ADAMTS2: variants seen among roughly 807,000 people sequenced by gnomAD.
ADAMTS2 encodes the protein ADAM metallopeptidase with thrombospondin type 1 motif 2.
ADAMTS2 carries 50 observed loss-of-function variants against 123.0 expected under a neutral mutation model. The ratio of observed to expected loss-of-function variants is 0.41; its 90% CI spans 0.32 to 0.51. The LOEUF (loss-of-function observed/expected upper bound fraction) is 0.51, where lower values mean the gene tolerates loss of function less well. Among genes scored for constraint, ADAMTS2 ranks in the 20% least tolerant of loss-of-function variants. The pLI, the probability that ADAMTS2 is intolerant of heterozygous loss-of-function variation, is 0.35. For missense variants in ADAMTS2, 1,494 were observed against 1,705.2 expected (o/e 0.88, Z 2.18); for synonymous variants, 678 against 695.4 (o/e 0.98, Z 0.39).
At chr5:179,131,845 G>C (rs888921572) in intron 15 of ADAMTS2, among the ~76,000 whole-genome samples, 1 of 152,258 alleles carries the variant, frequency 6.6e-6, no homozygotes, top group South Asian at 2.1e-4. Flanking sequence ...GCCTTGCTGA[G>C]GGGATGGGAG....
chr5:179,266,362 A>G (rs747154293), intron 3 of ADAMTS2, among the ~76,000 whole-genome samples: 2 of 152,214 alleles, frequency 1.3e-5, no homozygotes, highest in Non-Finnish European at 2.9e-5. Flanking sequence ...CCTAAATGTT[A>G]TCACAAGTGT....
intron 2 of ADAMTS2, among the ~76,000 whole-genome samples, chr5:179,292,850 AC>A (rs1756226925): frequency 1.3e-5 from 2 of 152,074 alleles, no homozygotes; most frequent in Non-Finnish European, 2.9e-5. Flanking sequence ...CCTCCAAGGT[AC>A]CCCATTTCCA....
intron 20 of ADAMTS2, among the ~76,000 whole-genome samples, chr5:179,122,028 C>A (rs902949413): frequency 6.6e-6 from 1 of 152,136 alleles, no homozygotes; most frequent in Non-Finnish European, 1.5e-5. Context: ...TCCTCTGCCC[C>A]TGCACCCTGC....
At position 179,126,056 on chromosome 5, in the gene ADAMTS2, G is replaced by C; in HGVS notation, c.2692C>G (p.Leu898Val). 4 of 1,613,426 alleles carry C rather than the reference G, an allele frequency of 2.5e-6. No homozygotes were observed. Among genetic ancestry groups the C allele is most frequent in the Non-Finnish European group, 3.4e-6 (4 of 1,180,040 alleles). ...CTGCGGATGGCTTTGGGCTTCGAGA[G>C]GGCGGCACAGAAGCCACGGTGTACC... ...KMVHRGFCAA[L>V]SKPKAIRRAC... Residue 898 changes from leucine to valine, a missense_variant, in exon 18 of 22, where the codon CTC becomes GTC. By Grantham distance (32) the Leu-to-Val change is conservative. Around this residue, in one of 6 missense-constraint regions of ADAMTS2, gnomAD observed 953 missense variants for 1,124.7 expected, o/e 0.85. Transcript: ENST00000251582.
chr5:179,286,147 G>A (rs1756012973), intron 2 of ADAMTS2, among the ~76,000 whole-genome samples: 1 of 151,412 alleles, frequency 6.6e-6, no homozygotes, highest in African/African-American at 2.4e-5. Flanking sequence ...CCAGAAGGCG[G>A]AGGTTGCAAT....
chr5:179,205,621 C>A lies in ADAMTS2; in HGVS notation c.891+1892G>T, dbSNP rs554754017. ...GGAAGAACTCATATTGTGAAGGCAGCCAAGATTTTATACCTGCCAGTCTCA... is the reference window on the plus strand; with the variant it reads ...GGAAGAACTCATATTGTGAAGGCAGACAAGATTTTATACCTGCCAGTCTCA... On this transcript the variant is annotated intron_variant, in intron 4 of 21. Coordinates refer to ENST00000251582, the MANE Select transcript of ADAMTS2 (RefSeq NM_014244.5). 1.1e-4 allele frequency among the ~76,000 whole-genome samples: 16 copies of A among 152,278 alleles called. No individual in the cohort carries two copies. In the South Asian group the frequency reaches 2.5e-3, roughly 24 times the overall value.
intron 9 of ADAMTS2, among the ~76,000 whole-genome samples, chr5:179,152,479 C>T (rs1763381312): frequency 6.6e-6 from 1 of 152,146 alleles, no homozygotes; most frequent in African/African-American, 2.4e-5. Context: ...TGCCTCCAGT[C>T]TTTGGAGGCT....
intron 3 of ADAMTS2, among the ~76,000 whole-genome samples, chr5:179,222,057 G>C (rs1765139509): frequency 6.6e-6 from 1 of 152,228 alleles, no homozygotes; most frequent in East Asian, 1.9e-4. Flanking sequence ...TGAGCCCAGA[G>C]GCCAGGCCAT....
Position 179,156,453 on chromosome 5 carries a change from G to T in ADAMTS2, c.1133-1534C>A, listed in dbSNP as rs1303409501. ...CGGCTCACTGCAACCTCCGCCTCCT[G>T]GGTTCAGTCCATTCTACTGCCTCAG... is the stretch of plus-strand genomic sequence containing the variant. On this transcript the variant is annotated intron_variant, in intron 6 of 21. Coordinates refer to ENST00000251582, the MANE Select transcript of ADAMTS2 (RefSeq NM_014244.5). Among the ~76,000 whole-genome samples the T allele has an allele frequency of 1.3e-5, 2 of 149,180 alleles. 1 individual carries two copies. The highest frequency in any genetic ancestry group is 4.3e-4 in the South Asian group (2 of 4,704).
intron 5 of ADAMTS2, among the ~76,000 whole-genome samples, chr5:179,167,926 G>A (rs1022831575): frequency 1.3e-5 from 2 of 152,172 alleles, no homozygotes; most frequent in Admixed American, 6.5e-5. Context: ...CCTGGGGACT[G>A]GCCTACCCGC....
intron 4 of ADAMTS2, among the ~76,000 whole-genome samples, chr5:179,199,991 A>T (rs1208183918): frequency 6.6e-6 from 1 of 152,186 alleles, no homozygotes; most frequent in Non-Finnish European, 1.5e-5. Context: ...GACAGAGACT[A>T]AGGAAGAAAG....
Position 179,312,705 on chromosome 5 carries a change from C to T in ADAMTS2, c.534+31062G>A, listed in dbSNP as rs767779700. Among the ~76,000 whole-genome samples the T allele has an allele frequency of 1.3e-5, 2 of 152,190 alleles. No individual in the cohort carries two copies. Among genetic ancestry groups the T allele is most frequent in the Non-Finnish European group, 2.9e-5 (2 of 68,038 alleles). The stretch of plus-strand genomic sequence containing the variant: ...GAGATGGAGGATGTCGGCCCTGAAG[C>T]CCAGAGCGAAGAGGCCACAAGCCAA... On this transcript the variant is annotated intron_variant, in intron 2 of 21. Coordinates refer to ENST00000251582, the MANE Select transcript of ADAMTS2 (RefSeq NM_014244.5). The surrounding 1 kb of genome is among the most constrained non-coding windows in gnomAD (Gnocchi z 4.2).
intron 2 of ADAMTS2, among the ~76,000 whole-genome samples, chr5:179,341,714 CA>C (rs36096225): frequency 0.022 from 1,430 of 65,090 alleles, 15 homozygotes; most frequent in African/African-American, 0.082. Context: ...GACTCCGTCT[CA>C]AAAAAAAAAA....
intron 10 of ADAMTS2, among the ~76,000 whole-genome samples, chr5:179,141,946 G>A (rs1312487532): frequency 6.6e-6 from 1 of 152,030 alleles, no homozygotes; most frequent in Non-Finnish European, 1.5e-5. Flanking sequence ...ATGTTGAAAG[G>A]GGCAAGCCCA....
chr5:179,240,311 T>C (rs76938043), intron 3 of ADAMTS2, among the ~76,000 whole-genome samples: 5,676 of 152,142 alleles, frequency 0.037, 353 homozygotes, highest in African/African-American at 0.13. Context: ...AGGTAGAAAG[T>C]TTCATTTTAC....
At chr5:179,300,385 T>C (rs752103139) in intron 2 of ADAMTS2, among the ~76,000 whole-genome samples, 2 of 152,270 alleles carry the variant, frequency 1.3e-5, no homozygotes, top group Non-Finnish European at 2.9e-5. Context: ...CCATATGTTT[T>C]GTATGTTCAA....
chr5:179,161,525 G>A (rs1763591810), intron 5 of ADAMTS2, among the ~76,000 whole-genome samples: 1 of 152,206 alleles, frequency 6.6e-6, no homozygotes, highest in Non-Finnish European at 1.5e-5. Context: ...AGTAGTTCCT[G>A]GAGAGTGGGG....
chr5:179,146,779 T>G (rs1427593175), intron 10 of ADAMTS2, among the ~76,000 whole-genome samples: 1 of 152,244 alleles, frequency 6.6e-6, no homozygotes, highest in African/African-American at 2.4e-5. Context: ...CATTTTCTAC[T>G]ACTTTAGTTT....
chr5:179,270,241 G>A (rs1041800608), intron 3 of ADAMTS2, among the ~76,000 whole-genome samples: 2 of 152,132 alleles, frequency 1.3e-5, no homozygotes, highest in East Asian at 1.9e-4. Context: ...TGGGCTTCTC[G>A]GGGAAAACAG....
Sources: allele counts gnomAD v4.1 joint callset (sites outside exome capture counted in the v4.1 genomes callset), GRCh38; gene constraint gnomAD v4.1.1; regional missense constraint gnomAD v4.1.1; non-coding constraint Gnocchi (gnomAD v3.1); transcripts MANE v1.5; gene names NCBI Gene and HGNC (gene_info 2026-07-23, HGNC 2026-07-21).